The following SUMF1 variants were observed in gnomAD, a reference collection of about 807,000 sequenced individuals.
SUMF1 encodes the protein sulfatase modifying factor 1.
In SUMF1, 48 loss-of-function variants were observed where a neutral mutation model predicts 47.6. The observed-to-expected ratio is 1.01, with a 90% confidence interval of 0.80 to 1.28. The LOEUF (loss-of-function observed/expected upper bound fraction) is 1.28, where lower values mean the gene tolerates loss of function less well. SUMF1 is among the 50% of genes most tolerant of loss of function. The pLI, the probability that SUMF1 is intolerant of heterozygous loss-of-function variation, is 0.00. For missense variants in SUMF1, 571 were observed against 485.4 expected (o/e 1.18, Z -1.66); for synonymous variants, 230 against 192.1 (o/e 1.20, Z -1.63).
rs565578039 is a variant in SUMF1 at position 4,238,813 on chromosome 3, C to T, written c.1014+137517G>A. On this transcript the variant is annotated intron_variant and NMD_transcript_variant, in intron 8 of 12. Transcript: ENST00000448413. ...ATTTGTCTATTTTGGCTTTTGTTGC[C>T]GTTGCTTTTGGTGTTTTAGTCATGA... is the stretch of plus-strand genomic sequence containing the variant. Among the ~76,000 whole-genome samples, 167 of 152,172 alleles carry T rather than the reference C, an allele frequency of 1.1e-3. 1 individual carries two copies. Among genetic ancestry groups the T allele is most frequent in the African/African-American group, 3.8e-3 (159 of 41,528 alleles).
In SUMF1 at chr3:4,361,541, C is replaced by T. The variant is rs1699756393; in HGVS notation, c.*603G>A. 1 of 155,652 alleles carries T rather than the reference C, an allele frequency of 6.4e-6. No homozygotes were observed. Among genetic ancestry groups the T allele is most frequent in the African/African-American group, 2.4e-5 (1 of 41,444 alleles). 9.6% of individuals were successfully genotyped at this position (155,652 alleles called of 1,614,324 possible). A position where few individuals can be genotyped will look rare whatever the true frequency, so the allele number is the denominator to read the frequency against. On this transcript the variant is annotated 3_prime_UTR_variant, in exon 9 of 9. Coordinates refer to ENST00000272902, the MANE Select transcript of SUMF1 (RefSeq NM_182760.4). The stretch of plus-strand genomic sequence containing the variant: ...AAAGACACTGATTTCCTTGGAAAAA[C>T]AAAGTGCAGTACGAATATAAAGGAG...
At chr3:4,204,230 T>A (rs7627447) in intron 8 of SUMF1, among the ~76,000 whole-genome samples, 26,235 of 151,994 alleles carry the variant, frequency 0.17, 2,555 homozygotes, top group South Asian at 0.3. Context: ...TTCTCCTTCA[T>A]GTTTGAAGGA....
At chr3:4,426,913 G>A (rs1267851284) in intron 3 of SUMF1, among the ~76,000 whole-genome samples, 3 of 152,176 alleles carry the variant, frequency 2.0e-5, no homozygotes, top group Non-Finnish European at 4.4e-5. Flanking sequence ...AGCTGTATGA[G>A]CCAGCCAGTG....
rs565464500 is a variant in SUMF1 at position 4,342,360 on chromosome 3, C to A, written c.1014+33970G>T. Among the ~76,000 whole-genome samples the A allele has an allele frequency of 5.9e-5, 9 of 152,192 alleles. No individual in the cohort carries two copies. The South Asian group carries it at 1.9e-3, about 32-fold the overall frequency. On this transcript the variant is annotated intron_variant and NMD_transcript_variant, in intron 8 of 12. Coordinates refer to the SUMF1 transcript ENST00000448413. ...CCAGGCTGAGCAACATGGTGAAACC[C>A]CATCTCTACTAAAAATACAAAAATT...
At chr3:4,229,767 A>T (rs1163774070) in intron 8 of SUMF1, among the ~76,000 whole-genome samples, 1 of 152,066 alleles carries the variant, frequency 6.6e-6, no homozygotes, top group African/African-American at 2.4e-5. Flanking sequence ...TAATCCCAGC[A>T]CTTTGGGTAG....
At chr3:4,291,642 T>G (rs1174919630) in intron 8 of SUMF1, among the ~76,000 whole-genome samples, 2 of 152,188 alleles carry the variant, frequency 1.3e-5, no homozygotes, top group Non-Finnish European at 2.9e-5. Flanking sequence ...CCTGTTTGAT[T>G]GGTCCTTGGC....
At chr3:4,213,709 G>C (rs1021972351) in intron 8 of SUMF1, among the ~76,000 whole-genome samples, 3 of 152,138 alleles carry the variant, frequency 2.0e-5, no homozygotes, top group South Asian at 2.1e-4. Context: ...TAAAGGGATG[G>C]AGGAATATTT....
intron 8 of SUMF1, among the ~76,000 whole-genome samples, chr3:4,130,180 C>G (rs1007933903): frequency 6.6e-6 from 1 of 152,140 alleles, no homozygotes; most frequent in African/African-American, 2.4e-5. Context: ...TGGAGAATGA[C>G]AGTGGATTAT....
chr3:4,167,545 T>C (rs541347111), intron 8 of SUMF1, among the ~76,000 whole-genome samples: 1 of 152,300 alleles, frequency 6.6e-6, no homozygotes, highest in East Asian at 1.9e-4. Context: ...GGTGTGTTTT[T>C]ACAGAGTGCA....
At chr3:4,271,899 C>T (rs192414776) in intron 8 of SUMF1, among the ~76,000 whole-genome samples, 24 of 152,058 alleles carry the variant, frequency 1.6e-4, no homozygotes, top group African/African-American at 4.8e-4. Context: ...TCTTAGAGCA[C>T]GCAAATGAAG....
intron 8 of SUMF1, among the ~76,000 whole-genome samples, chr3:4,370,996 G>A (rs528334972): frequency 6.6e-6 from 1 of 152,242 alleles, no homozygotes; most frequent in East Asian, 1.9e-4. Context: ...AGTGTTGCGA[G>A]GTCAGGGCCA....
intron 8 of SUMF1, among the ~76,000 whole-genome samples, chr3:4,370,345 G>A (rs914159418): frequency 6.6e-6 from 1 of 152,176 alleles, no homozygotes; most frequent in Non-Finnish European, 1.5e-5. Context: ...TCAACTGCAG[G>A]AAGATGGTAA....
At chr3:4,145,180 G>A (rs752448295) in intron 8 of SUMF1, among the ~76,000 whole-genome samples, 8 of 112,148 alleles carry the variant, frequency 7.1e-5, no homozygotes, top group Non-Finnish European at 1.2e-4. Context: ...GCAACAGAGT[G>A]AAACTCCGTC....
chr3:4,418,090 A>G lies in SUMF1; in HGVS notation c.645T>C (p.Val215=), dbSNP rs758043384. Residue 215 remains valine (V), a synonymous_variant, in exon 5 of 9, where the codon GTT becomes GTC. Transcript: ENST00000272902. The part of the protein sequence containing the change: ...PVLHVSWNDA[V]AYCTWAGKRL... The stretch of plus-strand genomic sequence containing the variant: ...GCTTCCCTGCCCAAGTGCAGTAGGC[A>G]ACCGCATCATTCCAGGACACATGGA... 3 of 1,614,126 alleles carry G rather than the reference A, an allele frequency of 1.9e-6. No individual in the cohort carries two copies. In the South Asian group the frequency reaches 3.3e-5, roughly 18 times the overall value.
At chr3:4,409,641 C>A (rs2125006090) in intron 7 of SUMF1, among the ~76,000 whole-genome samples, 1 of 152,336 alleles carries the variant, frequency 6.6e-6, no homozygotes, top group South Asian at 2.1e-4. Flanking sequence ...AGAATGACAT[C>A]TCCCAACCAC....
At chr3:4,442,393 C>T (rs149857953) in intron 3 of SUMF1, among the ~76,000 whole-genome samples, 2 of 150,030 alleles carry the variant, frequency 1.3e-5, no homozygotes, top group African/African-American at 2.4e-5. Context: ...GTAGCTGGGA[C>T]TACAGGCGCC....
At chr3:4,377,580 C>A (rs1700368889) in intron 7 of SUMF1, among the ~76,000 whole-genome samples, 1 of 151,392 alleles carries the variant, frequency 6.6e-6, no homozygotes, top group African/African-American at 2.4e-5. Context: ...GCAGCGTCTA[C>A]CACTGTAATA....
chr3:4,460,032 AAG>A lies in SUMF1; in HGVS notation c.270+6942_270+6943del, dbSNP rs371446922. 6.1e-3 allele frequency among the ~76,000 whole-genome samples: 930 copies of A among 152,310 alleles called. 7 individuals carry two copies. Among genetic ancestry groups the A allele is most frequent in the African/African-American group, 0.022 (894 of 41,562 alleles). ...AATTAAGCAGCCATAGGAAAGAAAA[AAG>A]AAGAGGGGGATAAAAAAGGATGCTT... On this transcript the variant is annotated intron_variant, in intron 1 of 8. Transcript: ENST00000272902.
chr3:4,150,000 G>C (rs1253269320), intron 8 of SUMF1, among the ~76,000 whole-genome samples: 1 of 152,060 alleles, frequency 6.6e-6, no homozygotes, highest in Non-Finnish European at 1.5e-5. Flanking sequence ...CTGATTTATA[G>C]GTTTAAATAT....
Sources: allele counts gnomAD v4.1 joint callset (sites outside exome capture counted in the v4.1 genomes callset), GRCh38; gene constraint gnomAD v4.1.1; transcripts MANE v1.5; gene names NCBI Gene and HGNC (gene_info 2026-07-23, HGNC 2026-07-21).